The following RHOJ variants were observed in gnomAD, a reference collection of about 807,000 sequenced individuals.
The protein encoded by RHOJ is rho-related GTP-binding protein RhoJ.
A neutral mutation model predicts 23.4 loss-of-function variants in RHOJ; 11 were observed. The ratio of observed to expected loss-of-function variants is 0.47; its 90% CI spans 0.30 to 0.78. The LOEUF is 0.78. Among genes scored for constraint, RHOJ ranks in the 30% least tolerant of loss-of-function variants. The pLI is 0.08. For synonymous variants in RHOJ, 102 were observed against 102.7 expected (o/e 0.99, Z 0.04); for missense variants, 254 against 273.4 (o/e 0.93, Z 0.50).
intron 1 of RHOJ, among the ~76,000 whole-genome samples, chr14:63,247,206 C>G (rs928724860): frequency 6.6e-6 from 1 of 152,190 alleles, no homozygotes; most frequent in African/African-American, 2.4e-5. Context: ...CACAAGTTTT[C>G]TCAGTGTAAA....
At chr14:63,266,672 T>C (rs1895372777) in intron 1 of RHOJ, among the ~76,000 whole-genome samples, 3 of 152,216 alleles carry the variant, frequency 2.0e-5, no homozygotes, top group African/African-American at 4.8e-5. Context: ...CTATTGTAAA[T>C]GGGATTGTGT....
intron 1 of RHOJ, among the ~76,000 whole-genome samples, chr14:63,260,077 T>C (rs1895246692): frequency 6.6e-6 from 1 of 152,248 alleles, no homozygotes; most frequent in South Asian, 2.1e-4. Context: ...TTGGCTAGTT[T>C]ATCTCACTAT....
chr14:63,245,629 G>A (rs1894963454), intron 1 of RHOJ, among the ~76,000 whole-genome samples: 1 of 152,108 alleles, frequency 6.6e-6, no homozygotes, highest in African/African-American at 2.4e-5. Context: ...CTGTACTCCA[G>A]GATGACAGAG....
At chr14:63,268,042 C>T (rs916758531) in intron 1 of RHOJ, among the ~76,000 whole-genome samples, 2 of 152,178 alleles carry the variant, frequency 1.3e-5, no homozygotes, top group Admixed American at 6.5e-5. Context: ...GAGAATTTGG[C>T]TGTTAGAGAT....
At chr14:63,285,450 A>G (rs1882050601) in intron 4 of RHOJ, among the ~76,000 whole-genome samples, 1 of 152,134 alleles carries the variant, frequency 6.6e-6, no homozygotes, top group Non-Finnish European at 1.5e-5. Flanking sequence ...CAGATTTTTC[A>G]TATCTGATTC....
chr14:63,230,693 A>G (rs1285451124), intron 1 of RHOJ, among the ~76,000 whole-genome samples: 1 of 53,094 alleles, frequency 1.9e-5, no homozygotes, highest in Non-Finnish European at 3.0e-5. Context: ...ACACATATGT[A>G]CACACACACA....
In RHOJ at chr14:63,281,112, C is replaced by G. The variant is rs1881884171; in HGVS notation, c.379C>G (p.Pro127Ala). 1 of 1,612,606 alleles carries G rather than the reference C, an allele frequency of 6.2e-7. No homozygotes were observed. The highest frequency in any genetic ancestry group is 8.5e-7 in the Non-Finnish European group (1 of 1,179,544). ...PELKDCMPHV[P>A]YVLIGTQIDL... ...GCTCAAGGACTGCATGCCTCACGTG[C>G]CTTATGTCCTCATAGGGACCCAGGT... Residue 127 changes from proline (P) to alanine (A), a missense_variant, in exon 3 of 5, where the codon CCT becomes GCT. Pro to Ala is a conservative substitution (Grantham distance 27, BLOSUM62 -1). Transcript: ENST00000316754.
chr14:63,247,966 A>C (rs2139637327), intron 1 of RHOJ, among the ~76,000 whole-genome samples: 1 of 152,264 alleles, frequency 6.6e-6, no homozygotes, highest in East Asian at 1.9e-4. Context: ...TAAAACCATC[A>C]GATCTCATGA....
intron 1 of RHOJ, among the ~76,000 whole-genome samples, chr14:63,227,573 A>C (rs1057028426): frequency 6.6e-6 from 1 of 152,258 alleles, no homozygotes; most frequent in Non-Finnish European, 1.5e-5. Flanking sequence ...AAAAAGGAAC[A>C]ATACCCTATG....
At chr14:63,276,217 G>A (rs960031055) in intron 2 of RHOJ, among the ~76,000 whole-genome samples, 1 of 152,116 alleles carries the variant, frequency 6.6e-6, no homozygotes, top group Non-Finnish European at 1.5e-5. Flanking sequence ...CGGTGGGGGG[G>A]GGCGGGGGCT....
At chr14:63,240,896 C>G (rs1458781280) in intron 1 of RHOJ, among the ~76,000 whole-genome samples, 2 of 152,162 alleles carry the variant, frequency 1.3e-5, no homozygotes, top group Non-Finnish European at 2.9e-5. Context: ...GACAATGGTT[C>G]CATGAAACGG....
chr14:63,260,149 C>A (rs554763452), intron 1 of RHOJ, among the ~76,000 whole-genome samples: 2 of 152,180 alleles, frequency 1.3e-5, no homozygotes, highest in African/African-American at 4.8e-5. Flanking sequence ...GTCTTTATAG[C>A]TCATATATTT....
At chr14:63,219,589 G>A (rs1397806486) in intron 1 of RHOJ, among the ~76,000 whole-genome samples, 3 of 152,066 alleles carry the variant, frequency 2.0e-5, no homozygotes, top group Admixed American at 6.5e-5. Context: ...AGGCCAAGGC[G>A]GGAGGATCAC....
intron 1 of RHOJ, among the ~76,000 whole-genome samples, chr14:63,265,166 T>C (rs538548889): frequency 6.6e-6 from 1 of 152,340 alleles, no homozygotes; most frequent in African/African-American, 2.4e-5. Context: ...TGAGGTCTTA[T>C]ATTTAAATCT....
At chr14:63,275,900 C>T (rs1396614069) in intron 2 of RHOJ, among the ~76,000 whole-genome samples, 1 of 148,602 alleles carries the variant, frequency 6.7e-6, no homozygotes, top group African/African-American at 2.6e-5. Context: ...ATTCAACTCC[C>T]CCCAACCCCC....
intron 2 of RHOJ, among the ~76,000 whole-genome samples, chr14:63,275,222 G>A (rs1881680757): frequency 6.6e-6 from 1 of 152,162 alleles, no homozygotes; most frequent in South Asian, 2.1e-4. Flanking sequence ...GGAGGCTGGA[G>A]AAAGGATCAC....
At chr14:63,255,246 G>A (rs1316368703) in intron 1 of RHOJ, among the ~76,000 whole-genome samples, 1 of 152,114 alleles carries the variant, frequency 6.6e-6, no homozygotes, top group Non-Finnish European at 1.5e-5. Context: ...CCGGGACCAT[G>A]CCCCCACCCT....
intron 1 of RHOJ, among the ~76,000 whole-genome samples, chr14:63,237,122 C>A (rs1171874151): frequency 6.6e-6 from 1 of 152,056 alleles, no homozygotes; most frequent in Non-Finnish European, 1.5e-5. Flanking sequence ...GGAGGGCTAA[C>A]CTACTGTGCA....
chr14:63,220,166 T>G (rs28695215), intron 1 of RHOJ, among the ~76,000 whole-genome samples: 1 of 152,168 alleles, frequency 6.6e-6, no homozygotes, highest in African/African-American at 2.4e-5. Context: ...GCAATGTCTA[T>G]CAAATCTACA....
Sources: gnomAD v4.1 joint callset for allele counts (sites outside exome capture counted in the v4.1 genomes callset) on GRCh38, gnomAD v4.1.1 for gene constraint, MANE v1.5 for transcripts, NCBI Gene and HGNC (gene_info 2026-07-23, HGNC 2026-07-21) for gene names.